The following NAALADL2 variants were observed in gnomAD, a reference collection of about 807,000 sequenced individuals.
The protein encoded by NAALADL2 is inactive N-acetylated-alpha-linked acidic dipeptidase-like protein 2.
In NAALADL2, 76 loss-of-function variants were observed where a neutral mutation model predicts 87.2. That is an observed-to-expected ratio of 0.87 (90% CI 0.72 to 1.05). The LOEUF (loss-of-function observed/expected upper bound fraction) is 1.05. Among genes scored for constraint, NAALADL2 ranks in the 50% least tolerant of loss-of-function variants. The pLI is 0.00. For missense variants in NAALADL2, 1,089 were observed against 945.8 expected (o/e 1.15, Z -1.99); for synonymous variants, 354 against 331.0 (o/e 1.07, Z -0.75).
intron 1 of NAALADL2, among the ~76,000 whole-genome samples, chr3:175,058,403 T>C (rs1712693245): frequency 6.6e-6 from 1 of 152,320 alleles, no homozygotes; most frequent in Non-Finnish European, 1.5e-5. Context: ...GCTATTAATA[T>C]ATTAGTAACT....
chr3:175,624,585 C>A (rs1726715833), intron 10 of NAALADL2, among the ~76,000 whole-genome samples: 1 of 151,816 alleles, frequency 6.6e-6, no homozygotes, highest in South Asian at 2.1e-4. Flanking sequence ...ACCTCCTGAT[C>A]TGACTAAAAA....
intron 12 of NAALADL2, among the ~76,000 whole-genome samples, chr3:175,753,523 A>C (rs539739191): frequency 1.3e-5 from 2 of 152,168 alleles, no homozygotes; most frequent in Non-Finnish European, 2.9e-5. Flanking sequence ...GAGAATAAAA[A>C]ATTATCATTT....
intron 1 of NAALADL2, among the ~76,000 whole-genome samples, chr3:174,921,744 G>C (rs1170675897): frequency 6.8e-6 from 1 of 146,460 alleles, no homozygotes; most frequent in Non-Finnish European, 1.5e-5. Flanking sequence ...GGCAGAGCTT[G>C]CAGTAAGCCG....
At chr3:174,942,009 T>C (rs1738678777) in intron 1 of NAALADL2, among the ~76,000 whole-genome samples, 1 of 152,146 alleles carries the variant, frequency 6.6e-6, no homozygotes, top group Admixed American at 6.6e-5. Context: ...CATTCAGGAT[T>C]AGTATTGTTA....
chr3:175,222,861 T>C (rs1471722286), intron 2 of NAALADL2, among the ~76,000 whole-genome samples: 1 of 152,100 alleles, frequency 6.6e-6, no homozygotes, highest in Non-Finnish European at 1.5e-5. Flanking sequence ...AAGAGTGGCA[T>C]TGTTTTATAT....
intron 3 of NAALADL2, among the ~76,000 whole-genome samples, chr3:174,799,847 C>T: frequency 1.3e-5 from 2 of 152,160 alleles, no homozygotes; most frequent in Middle Eastern, 3.4e-3. Context: ...ATATAAGGTC[C>T]AGGATGAGGT....
intron 5 of NAALADL2, among the ~76,000 whole-genome samples, chr3:175,352,469 G>A (rs1432988146): frequency 6.6e-6 from 1 of 152,124 alleles, no homozygotes; most frequent in Non-Finnish European, 1.5e-5. Flanking sequence ...CCAGAGTTAA[G>A]GTGGGTTTAA....
chr3:175,575,649 A>C (rs2149555232), intron 9 of NAALADL2, among the ~76,000 whole-genome samples: 1 of 152,316 alleles, frequency 6.6e-6, no homozygotes, highest in Middle Eastern at 3.4e-3. Context: ...GCATTCTTTA[A>C]GTTTATGGGA....
intron 4 of NAALADL2, among the ~76,000 whole-genome samples, chr3:175,304,322 C>G (rs1342219838): frequency 6.6e-6 from 1 of 152,116 alleles, no homozygotes; most frequent in Non-Finnish European, 1.5e-5. Flanking sequence ...ATGGAACATA[C>G]TGACCCTTCT....
intron 1 of NAALADL2, among the ~76,000 whole-genome samples, chr3:175,013,290 TATATA>T (rs1560476187): frequency 3.5e-5 from 3 of 86,686 alleles, no homozygotes; most frequent in Admixed American, 2.7e-4. Flanking sequence ...TATATATATA[TATATA>T]TATATATTTT....
At chr3:175,025,957 A>G (rs1465137287) in intron 1 of NAALADL2, among the ~76,000 whole-genome samples, 2 of 151,998 alleles carry the variant, frequency 1.3e-5, no homozygotes, top group Non-Finnish European at 2.9e-5. Context: ...CTGTAGGTGC[A>G]TACCACTATA....
chr3:175,314,309 G>A (rs906252703), intron 4 of NAALADL2, among the ~76,000 whole-genome samples: 1 of 151,360 alleles, frequency 6.6e-6, no homozygotes, highest in Non-Finnish European at 1.5e-5. Flanking sequence ...CCACCTTGCA[G>A]TTGGCCAAAA....
chr3:175,499,855 T>G (rs1729305036), intron 9 of NAALADL2, among the ~76,000 whole-genome samples: 1 of 152,054 alleles, frequency 6.6e-6, no homozygotes, highest in Non-Finnish European at 1.5e-5. Context: ...TTCTTTATTA[T>G]AAATAGATAA....
intron 1 of NAALADL2, among the ~76,000 whole-genome samples, chr3:174,977,037 G>A (rs748265042): frequency 8.5e-5 from 13 of 152,250 alleles, no homozygotes; most frequent in Non-Finnish European, 1.6e-4. Flanking sequence ...GTGTGAGATG[G>A]TGGGCAATTT....
At chr3:175,310,859 A>C (rs543699166) in intron 4 of NAALADL2, among the ~76,000 whole-genome samples, 75 of 152,200 alleles carry the variant, frequency 4.9e-4, no homozygotes, top group African/African-American at 1.8e-3. Flanking sequence ...TATCAAACAT[A>C]TAGTACTAAT....
intron 2 of NAALADL2, among the ~76,000 whole-genome samples, chr3:174,711,167 G>T (rs1380523959): frequency 1.3e-5 from 2 of 152,242 alleles, no homozygotes; most frequent in Middle Eastern, 3.4e-3. Flanking sequence ...CAGAAGTAAA[G>T]AAATAGCCTT....
At chr3:175,146,809 A>G (rs1730814273) in intron 2 of NAALADL2, among the ~76,000 whole-genome samples, 1 of 151,100 alleles carries the variant, frequency 6.6e-6, no homozygotes, top group Admixed American at 6.6e-5. Flanking sequence ...TCTTTTTGAA[A>G]AAGGGAAGGT....
chr3:174,882,850 T>C (rs1473037473), intron 1 of NAALADL2, among the ~76,000 whole-genome samples: 1 of 140,682 alleles, frequency 7.1e-6, no homozygotes, highest in Non-Finnish European at 1.5e-5. Flanking sequence ...TGTGCATATG[T>C]GTATATATAC....
At chr3:175,208,664 C>A (rs906858555) in intron 2 of NAALADL2, among the ~76,000 whole-genome samples, 3 of 152,006 alleles carry the variant, frequency 2.0e-5, no homozygotes, top group Non-Finnish European at 2.9e-5. Context: ...TACATTCTTC[C>A]GATAATGCAT....
Sources: allele counts gnomAD v4.1 joint callset (sites outside exome capture counted in the v4.1 genomes callset), GRCh38; gene constraint gnomAD v4.1.1; transcripts MANE v1.5; gene names NCBI Gene and HGNC (gene_info 2026-07-23, HGNC 2026-07-21).